IPO5: variants seen among roughly 807,000 people sequenced by gnomAD.
IPO5 encodes the protein importin 5.
In IPO5, 18 loss-of-function variants were observed where a neutral mutation model predicts 143.3. The ratio of observed to expected loss-of-function variants is 0.13; its 90% CI spans 0.09 to 0.19. The LOEUF is 0.19. Ranked by LOEUF, IPO5 falls within the 10% of genes least tolerant of loss-of-function variation. The probability of loss-of-function intolerance (pLI) is 1.00; values close to 1 mark genes in which losing one functional copy is unlikely to be tolerated. For missense variants in IPO5, 1,013 were observed against 1,336.9 expected (o/e 0.76, Z 3.78); for synonymous variants, 477 against 465.7 (o/e 1.02, Z -0.31).
rs553419935 is a variant in IPO5, at chr13:98,003,210, C to A, written c.1497+173C>A. Among the ~76,000 whole-genome samples, 47 of 152,126 alleles carry A rather than the reference C, an allele frequency of 3.1e-4. No individual in the cohort carries two copies. In the South Asian group the frequency reaches 9.3e-3, roughly 30 times the overall value. ...TGATGAGTAGAGAAATTCAGATTGACCAAAATGTGGGCTGATAATTGGAAT... is the reference window on the plus strand; with the variant it reads ...TGATGAGTAGAGAAATTCAGATTGAACAAAATGTGGGCTGATAATTGGAAT... On this transcript the variant is annotated intron_variant, in intron 16 of 28. Coordinates refer to ENST00000651721, the MANE Select transcript of IPO5 (RefSeq NM_002271.6).
At chr13:97,976,627 C>CTCCCGAG (rs1886354705) in intron 3 of IPO5, 66 bp from the exon 4 acceptor site, 1 of 681,148 alleles carries the variant, frequency 1.5e-6, no homozygotes. Context: ...GCCCCCGCCC[C>CTCCCGAG]TCCCGCGGCC....
At chr13:97,974,308 T>A (rs545365295) in intron 3 of IPO5, among the ~76,000 whole-genome samples, 2 of 151,334 alleles carry the variant, frequency 1.3e-5, no homozygotes. Flanking sequence ...TGTCTGAAAT[T>A]CTTTTTTTTT....
At position 98,002,923 on chromosome 13, in the gene IPO5, T is replaced by C. The variant is rs1357424579; in HGVS notation, c.1383T>C (p.His461=). 3.7e-6 allele frequency: 6 copies of C among 1,613,950 alleles called. No individual in the cohort carries two copies. Among genetic ancestry groups the C allele is most frequent in the Non-Finnish European group, 5.1e-6 (6 of 1,179,866 alleles). The change falls in exon 16 of 29, where the codon CAT becomes CAC. Residue 461 remains histidine (H), a synonymous_variant. Transcript: ENST00000651721. The part of the protein sequence containing the change: ...EDQGNQRVQA[H]AAAALINFTE... ...AAGGCAATCAACGTGTGCAGGCCCA[T>C]GCAGCTGCTGCCCTCATTAACTTTA...
At chr13:98,000,026 T>C (rs770659008) in intron 12 of IPO5, among the ~76,000 whole-genome samples, 186 of 152,344 alleles carry the variant, frequency 1.2e-3, no homozygotes, top group Non-Finnish European at 2.1e-3. Flanking sequence ...GGCTCACGCC[T>C]GTAATCTTAG....
At chr13:97,958,633 C>T (rs1346346678) in intron 2 of IPO5, among the ~76,000 whole-genome samples, 5 of 151,458 alleles carry the variant, frequency 3.3e-5, no homozygotes, top group African/African-American at 9.7e-5. Flanking sequence ...TCGGCCTCTG[C>T]ACCCTCTGTC....
At chr13:98,016,426 G>A (rs1890125509) in intron 24 of IPO5, among the ~76,000 whole-genome samples, 1 of 152,076 alleles carries the variant, frequency 6.6e-6, no homozygotes, top group Non-Finnish European at 1.5e-5. Flanking sequence ...GTTTCAGAAT[G>A]TAGAAATTAG....
At chr13:98,012,158 C>T (rs1425691666) in intron 20 of IPO5, 88 bp from the exon 21 acceptor site, 12 of 793,808 alleles carry the variant, frequency 1.5e-5, no homozygotes, top group Non-Finnish European at 2.5e-5. Context: ...ATACAACCTC[C>T]TGTGGTCCTT....
chr13:97,986,261 T>C (rs1372602692), intron 6 of IPO5, among the ~76,000 whole-genome samples: 1 of 152,200 alleles, frequency 6.6e-6, no homozygotes, highest in East Asian at 1.9e-4. Context: ...AACTTGCCAG[T>C]TGAACTAAAA....
intron 2 of IPO5, among the ~76,000 whole-genome samples, chr13:97,967,522 T>C (rs1188750074): frequency 6.6e-6 from 1 of 152,224 alleles, no homozygotes; most frequent in African/African-American, 2.4e-5. Context: ...TTTCTTCTTT[T>C]CTAATTGATA....
At chr13:97,989,008 G>A (rs1594074865) in intron 6 of IPO5, 54 bp from the exon 7 acceptor site, 1 of 928,570 alleles carries the variant, frequency 1.1e-6, no homozygotes, top group African/African-American at 1.6e-5. Flanking sequence ...TTTACTCCTA[G>A]TATATTGAAG....
intron 17 of IPO5, chr13:98,007,359 T>C (rs1889352238): frequency 6.6e-6 from 1 of 152,214 alleles, no homozygotes; most frequent in Admixed American, 6.5e-5. Flanking sequence ...TCTATGCATA[T>C]AGATCTTCAG....
chr13:97,992,496 G>A (rs1887887175), intron 9 of IPO5, among the ~76,000 whole-genome samples: 1 of 152,150 alleles, frequency 6.6e-6, no homozygotes, highest in Non-Finnish European at 1.5e-5. Context: ...GAGTTGGAGG[G>A]TACTGTGAGC....
chr13:98,012,188 A>G (rs1889772450), intron 20 of IPO5, 58 bp from the exon 21 acceptor site: 1 of 1,011,984 alleles, frequency 9.9e-7, no homozygotes, highest in African/African-American at 1.6e-5. Flanking sequence ...CTGTTTGTTA[A>G]TATTAATGCT....
intron 3 of IPO5, among the ~76,000 whole-genome samples, chr13:97,973,488 A>G (rs899948575): frequency 1.2e-4 from 18 of 152,332 alleles, no homozygotes; most frequent in African/African-American, 4.3e-4. Context: ...CCGAAAATAC[A>G]GTCCCCACTT....
intron 5 of IPO5, among the ~76,000 whole-genome samples, chr13:97,983,266 G>A (rs1186560751): frequency 2.6e-5 from 4 of 151,880 alleles, no homozygotes; most frequent in African/African-American, 9.7e-5. Context: ...TGTTATCAAT[G>A]TTTTGAAAAA....
In IPO5 at chr13:97,993,128, C is replaced by A; in HGVS notation, c.816C>A (p.Asn272Lys). Residue 272 changes from asparagine to lysine, a missense_variant, in exon 11 of 29, where the codon AAC (asparagine) becomes AAA (lysine). Asn to Lys is a moderately conservative substitution (Grantham distance 94, BLOSUM62 0). Around this residue, in one of 2 missense-constraint regions of IPO5, gnomAD observed 328 missense variants for 342.0 expected, o/e 0.96. Coordinates refer to ENST00000651721, the MANE Select transcript of IPO5 (RefSeq NM_002271.6). ...SLKLCGDTSL[N>K]NMQRQLALEV... ...AGTTGTGTGGAGACACTAGCCTCAA[C>A]AATATGCAACGCCAGCTTGCCCTTG... 6.2e-7 allele frequency: 1 copy of A among 1,614,060 alleles called. No individual in the cohort carries two copies. The highest frequency in any genetic ancestry group is 8.5e-7 in the Non-Finnish European group (1 of 1,179,912).
chr13:97,993,320 T>C lies in IPO5; in HGVS notation c.913+95T>C, dbSNP rs9584739. Reference sequence around the variant, plus strand: ...GTGTGATTTCTCAGATTGTTGAGAATATAATGAATATCCTTTTAGAATCAG... The same window carrying C: ...GTGTGATTTCTCAGATTGTTGAGAACATAATGAATATCCTTTTAGAATCAG... On this transcript the variant is annotated intron_variant, in intron 11 of 28. Coordinates refer to ENST00000651721, the MANE Select transcript of IPO5 (RefSeq NM_002271.6). 3.3e-4 allele frequency: 342 copies of C among 1,028,648 alleles called. 2 individuals are homozygous for C. The African/African-American group carries it at 4.5e-3, about 14-fold the overall frequency. The allele number at this position is 1,028,648 out of a possible 1,614,324, so 63.7% of individuals were successfully genotyped here. A position where few individuals can be genotyped will look rare whatever the true frequency, so the allele number is the denominator to read the frequency against.
chr13:97,994,738 G>A (rs1336725197), intron 11 of IPO5, among the ~76,000 whole-genome samples: 3 of 152,174 alleles, frequency 2.0e-5, no homozygotes, highest in Non-Finnish European at 2.9e-5. Context: ...TGATGATGCA[G>A]GTGTTGACAA....
intron 2 of IPO5, among the ~76,000 whole-genome samples, chr13:97,959,840 T>C (rs1417090500): frequency 6.6e-6 from 1 of 152,182 alleles, no homozygotes; most frequent in Non-Finnish European, 1.5e-5. Context: ...AAGTATCTTA[T>C]CAGTTTACTT....
Sources: gnomAD v4.1 joint callset for allele counts (sites outside exome capture counted in the v4.1 genomes callset) on GRCh38, gnomAD v4.1.1 for gene constraint, gnomAD v4.1.1 regional missense constraint, MANE v1.5 for transcripts, NCBI Gene and HGNC (gene_info 2026-07-23, HGNC 2026-07-21) for gene names.